The following ALCAM variants were observed in gnomAD, a reference collection of about 807,000 sequenced individuals.
ALCAM encodes the protein CD166 antigen.
In ALCAM, 30 loss-of-function variants were observed where a neutral mutation model predicts 70.9. The observed-to-expected ratio is 0.42, with a 90% confidence interval of 0.32 to 0.57. The LOEUF (loss-of-function observed/expected upper bound fraction) is 0.57. Among genes scored for constraint, ALCAM ranks in the 20% least tolerant of loss-of-function variants. The probability of loss-of-function intolerance (pLI) is 0.11; values close to 1 mark genes in which losing one functional copy is unlikely to be tolerated. For synonymous variants in ALCAM, 249 were observed against 242.5 expected, an observed-to-expected ratio of 1.03 and a Z score of -0.25; for missense variants, 591 against 695.1, an observed-to-expected ratio of 0.85 and a Z score of 1.68.
chr3:105,528,407 T>C (rs1939760835), intron 3 of ALCAM, among the ~76,000 whole-genome samples: 1 of 152,160 alleles, frequency 6.6e-6, no homozygotes, highest in Non-Finnish European at 1.5e-5. Context: ...TACCACAATT[T>C]CTTCTCCAGC....
intron 1 of ALCAM, among the ~76,000 whole-genome samples, chr3:105,386,223 T>C (rs188934564): frequency 6.6e-6 from 1 of 151,730 alleles, no homozygotes; most frequent in East Asian, 1.9e-4. Flanking sequence ...TAAACAAATC[T>C]GAAGGAAGAA....
intron 1 of ALCAM, among the ~76,000 whole-genome samples, chr3:105,450,708 G>C (rs1389122766): frequency 6.6e-6 from 1 of 152,000 alleles, no homozygotes; most frequent in African/African-American, 2.4e-5. Flanking sequence ...AAGGATAGAT[G>C]GTGAATATGT....
intron 3 of ALCAM, 31 bp from the exon 4 acceptor site, chr3:105,531,971 G>T: frequency 6.3e-7 from 1 of 1,584,066 alleles, no homozygotes; most frequent in Non-Finnish European, 8.7e-7. Context: ...TCTTACATAT[G>T]TACTTAAAAT....
At chr3:105,459,682 C>T (rs986477012) in intron 1 of ALCAM, among the ~76,000 whole-genome samples, 2 of 152,012 alleles carry the variant, frequency 1.3e-5, no homozygotes, top group African/African-American at 4.8e-5. Flanking sequence ...AGTAAGTACT[C>T]AATCCATAAT....
Position 105,379,724 on chromosome 3 carries a change from G to A in ALCAM, c.73+12243G>A, listed in dbSNP as rs1935468986. Among the ~76,000 whole-genome samples the A allele has an allele frequency of 2.0e-5, 3 of 151,696 alleles. No individual in the cohort carries two copies. The South Asian group carries it at 6.2e-4, about 31-fold the overall frequency. On this transcript the variant is annotated intron_variant, in intron 1 of 15. Transcript: ENST00000306107. ...TTCCCTTTTATGAGCACTGTAGGATGCTTCCATTTATTATGATTTTCCAAT... is the reference window on the plus strand; with the variant it reads ...TTCCCTTTTATGAGCACTGTAGGATACTTCCATTTATTATGATTTTCCAAT...
chr3:105,440,638 C>T (rs569969660), intron 1 of ALCAM, among the ~76,000 whole-genome samples: 1 of 152,296 alleles, frequency 6.6e-6, no homozygotes, highest in Non-Finnish European at 1.5e-5. Flanking sequence ...GACCTCTTAT[C>T]GCCCACATGC....
intron 13 of ALCAM, 121 bp downstream of exon 13, chr3:105,552,303 A>G: frequency 7.7e-7 from 1 of 1,291,552 alleles, no homozygotes. Context: ...TACCAAAGAC[A>G]AGATAGTAAG....
At chr3:105,457,498 G>A (rs1432287271) in intron 1 of ALCAM, among the ~76,000 whole-genome samples, 1 of 151,778 alleles carries the variant, frequency 6.6e-6, no homozygotes, top group Non-Finnish European at 1.5e-5. Context: ...CACACCTCCA[G>A]GACACAAGTT....
intron 1 of ALCAM, among the ~76,000 whole-genome samples, chr3:105,467,757 A>G (rs966807995): frequency 1.3e-5 from 2 of 151,238 alleles, no homozygotes; most frequent in Non-Finnish European, 3.0e-5. Flanking sequence ...CTTATTTTGT[A>G]TCTTCAGTGT....
chr3:105,572,088 T>G (rs1940870653), intron 15 of ALCAM, 124 bp downstream of exon 15: 1 of 582,302 alleles, frequency 1.7e-6, no homozygotes, highest in South Asian at 3.0e-5. Context: ...AGAGAGGGGT[T>G]TTTTTTCTTT....
At chr3:105,517,855 A>G (rs1939421850) in intron 1 of ALCAM, among the ~76,000 whole-genome samples, 1 of 152,134 alleles carries the variant, frequency 6.6e-6, no homozygotes, top group African/African-American at 2.4e-5. Context: ...CCAAAATGGA[A>G]AGAACTCCAG....
At chr3:105,551,641 T>C (rs1423265003) in intron 12 of ALCAM, among the ~76,000 whole-genome samples, 1 of 151,634 alleles carries the variant, frequency 6.6e-6, no homozygotes, top group African/African-American at 2.4e-5. Flanking sequence ...ATCATGTATG[T>C]TGCTTCTTAA....
intron 11 of ALCAM, among the ~76,000 whole-genome samples, chr3:105,548,833 T>C (rs1940317035): frequency 6.6e-6 from 1 of 151,432 alleles, no homozygotes; most frequent in African/African-American, 2.4e-5. Context: ...ATTTTTAGCA[T>C]CAAAAATGGT....
At chr3:105,369,323 G>C in intron 1 of ALCAM, among the ~76,000 whole-genome samples, 1 of 152,166 alleles carries the variant, frequency 6.6e-6, no homozygotes, top group Middle Eastern at 3.2e-3. Flanking sequence ...CCTCCTTCAC[G>C]GTGGTTCTTT....
rs562686186 is a variant in ALCAM at position 105,374,178 on chromosome 3, G to T, written c.73+6697G>T. Among the ~76,000 whole-genome samples, 5 of 152,206 alleles carry T rather than the reference G, an allele frequency of 3.3e-5. No individual in the cohort carries two copies. In the East Asian group the frequency reaches 9.6e-4, roughly 29 times the overall value. ...CTTTCTTTTATGGTGAAAGTAAGTG[G>T]CCCCTCTAACTGGCAGACATGACTT... On this transcript the variant is annotated intron_variant, in intron 1 of 15. Transcript: ENST00000306107.
intron 10 of ALCAM, 47 bp downstream of exon 10, chr3:105,547,331 T>G: frequency 6.3e-7 from 1 of 1,575,614 alleles, no homozygotes; most frequent in Non-Finnish European, 8.6e-7. Flanking sequence ...TTGAGAATTT[T>G]TTACCTGGTT....
At chr3:105,570,918 T>A (rs968306009) in intron 14 of ALCAM, among the ~76,000 whole-genome samples, 3 of 152,066 alleles carry the variant, frequency 2.0e-5, no homozygotes, top group Non-Finnish European at 2.9e-5. Context: ...AATTGTCTCT[T>A]ATTCTGGATG....
intron 1 of ALCAM, among the ~76,000 whole-genome samples, chr3:105,405,699 T>C (rs972763694): frequency 1.3e-5 from 2 of 152,154 alleles, no homozygotes; most frequent in Admixed American, 6.5e-5. Context: ...AATTATATCA[T>C]GTACTCTCTC....
intron 3 of ALCAM, among the ~76,000 whole-genome samples, chr3:105,528,101 A>T (rs993337668): frequency 6.6e-6 from 1 of 152,142 alleles, no homozygotes; most frequent in Non-Finnish European, 1.5e-5. Flanking sequence ...CAACACGACC[A>T]TTTGCATCTG....
Sources: allele counts gnomAD v4.1 joint callset (sites outside exome capture counted in the v4.1 genomes callset), GRCh38; gene constraint gnomAD v4.1.1; transcripts MANE v1.5; gene names NCBI Gene and HGNC (gene_info 2026-07-23, HGNC 2026-07-21).